The following NEGR1 variants were observed in gnomAD, a reference collection of about 807,000 sequenced individuals.
The protein encoded by NEGR1 is IgLON family member 4.
A neutral mutation model predicts 40.9 loss-of-function variants in NEGR1; 10 were observed. The ratio of observed to expected loss-of-function variants is 0.24; its 90% CI spans 0.15 to 0.42. The LOEUF (loss-of-function observed/expected upper bound fraction) is 0.42, where lower values mean the gene tolerates loss of function less well. Among genes scored for constraint, NEGR1 ranks in the 10% least tolerant of loss-of-function variants. NEGR1 has a pLI of 1.00. For missense variants in NEGR1, 352 were observed against 438.9 expected, an observed-to-expected ratio of 0.80 and a Z score of 1.77; for synonymous variants, 185 against 166.8, an observed-to-expected ratio of 1.11 and a Z score of -0.84.
At chr1:71,789,363 T>G (rs1657030787) in intron 2 of NEGR1, among the ~76,000 whole-genome samples, 1 of 152,204 alleles carries the variant, frequency 6.6e-6, no homozygotes, top group African/African-American at 2.4e-5. Context: ...GTGCTCAGAA[T>G]GTGTTTAATG....
At chr1:71,826,012 T>A (rs1381995023) in intron 2 of NEGR1, among the ~76,000 whole-genome samples, 1 of 151,904 alleles carries the variant, frequency 6.6e-6, no homozygotes, top group Non-Finnish European at 1.5e-5. Context: ...TCAGCTTTCA[T>A]ACGCCACAAA....
At chr1:71,582,698 A>T (rs973884207) in intron 6 of NEGR1, among the ~76,000 whole-genome samples, 9 of 152,200 alleles carry the variant, frequency 5.9e-5, no homozygotes, top group Admixed American at 1.3e-4. Flanking sequence ...ATAATATTTT[A>T]AAAAAGTAAT....
At chr1:71,813,191 C>T (rs915584830) in intron 2 of NEGR1, among the ~76,000 whole-genome samples, 1 of 152,012 alleles carries the variant, frequency 6.6e-6, no homozygotes, top group African/African-American at 2.4e-5. Flanking sequence ...AATAGAGAAT[C>T]CTTTCCCCAT....
chr1:71,463,145 G>C (rs1440604878), intron 6 of NEGR1, among the ~76,000 whole-genome samples: 2 of 152,102 alleles, frequency 1.3e-5, no homozygotes, highest in African/African-American at 4.8e-5. Flanking sequence ...GGTTGGATGC[G>C]AGAGAGCAGT....
chr1:71,570,637 C>A (rs1039118734), intron 6 of NEGR1, among the ~76,000 whole-genome samples: 1 of 131,456 alleles, frequency 7.6e-6, no homozygotes, highest in Non-Finnish European at 1.7e-5. Context: ...TTTGTTTATA[C>A]TGGGTCCTTA....
chr1:71,570,318 A>C (rs969820333), intron 6 of NEGR1, among the ~76,000 whole-genome samples: 3 of 152,188 alleles, frequency 2.0e-5, no homozygotes, highest in African/African-American at 4.8e-5. Flanking sequence ...TAGAACTATA[A>C]ATTTGTCCTC....
At chr1:71,764,011 G>A (rs986800912) in intron 3 of NEGR1, among the ~76,000 whole-genome samples, 11 of 152,062 alleles carry the variant, frequency 7.2e-5, no homozygotes, top group Non-Finnish European at 1.0e-4. Context: ...GATTATTTCC[G>A]GACAAAAGGA....
chr1:71,445,517 G>C (rs180726533), intron 6 of NEGR1, among the ~76,000 whole-genome samples: 2 of 152,174 alleles, frequency 1.3e-5, no homozygotes, highest in East Asian at 3.9e-4. Flanking sequence ...ACTTAGAAAT[G>C]ATGCCTGAAG....
intron 1 of NEGR1, among the ~76,000 whole-genome samples, chr1:72,177,279 A>AG (rs1234170078): frequency 2.0e-5 from 3 of 152,088 alleles, no homozygotes; most frequent in African/African-American, 7.2e-5. Context: ...AGCCAGGCAC[A>AG]GGTGATATGA....
chr1:71,795,406 A>T (rs1342855342), intron 2 of NEGR1, among the ~76,000 whole-genome samples: 2 of 152,084 alleles, frequency 1.3e-5, no homozygotes, highest in African/African-American at 2.4e-5. Context: ...AGTGGTTCTC[A>T]ATATTGAATG....
intron 1 of NEGR1, among the ~76,000 whole-genome samples, chr1:72,160,049 G>A (rs1487671278): frequency 1.3e-5 from 2 of 152,030 alleles, no homozygotes; most frequent in Non-Finnish European, 2.9e-5. Flanking sequence ...TAACTATTGG[G>A]TTTTTAGCAA....
At chr1:71,729,849 T>G (rs1240501045) in intron 3 of NEGR1, among the ~76,000 whole-genome samples, 1 of 115,518 alleles carries the variant, frequency 8.7e-6, no homozygotes, top group Non-Finnish European at 1.7e-5. Context: ...TGGTTTTTGG[T>G]TTTTTTTTTT....
At chr1:71,584,430 T>C (rs912235195) in intron 6 of NEGR1, among the ~76,000 whole-genome samples, 6 of 152,188 alleles carry the variant, frequency 3.9e-5, no homozygotes, top group Non-Finnish European at 7.3e-5. Flanking sequence ...AGTAACTATG[T>C]TTCACTCTGA....
chr1:71,539,910 G>T (rs1231951106), intron 6 of NEGR1, among the ~76,000 whole-genome samples: 6 of 151,740 alleles, frequency 4.0e-5, no homozygotes, highest in Non-Finnish European at 8.8e-5. Flanking sequence ...ATTCAAAGTT[G>T]CTCCAATATA....
intron 1 of NEGR1, among the ~76,000 whole-genome samples, chr1:72,010,186 G>A (rs961730510): frequency 1.8e-4 from 28 of 152,156 alleles, no homozygotes; most frequent in African/African-American, 5.8e-4. Context: ...TTAATGGGGC[G>A]GGGCGGGGGA....
At chr1:72,260,842 T>C (rs555558917) in intron 1 of NEGR1, among the ~76,000 whole-genome samples, 2 of 152,222 alleles carry the variant, frequency 1.3e-5, no homozygotes, top group South Asian at 4.1e-4. Flanking sequence ...TAATTACATT[T>C]CTTTCTGAAA....
intron 6 of NEGR1, among the ~76,000 whole-genome samples, chr1:71,421,670 C>CA (rs528876352): frequency 8.7e-5 from 13 of 150,124 alleles, no homozygotes; most frequent in African/African-American, 1.7e-4. Flanking sequence ...TTCTAATTGC[C>CA]AAAAAAAAAT....
intron 6 of NEGR1, among the ~76,000 whole-genome samples, chr1:71,552,428 C>T (rs1403320863): frequency 6.7e-6 from 1 of 149,518 alleles, no homozygotes; most frequent in Non-Finnish European, 1.5e-5. Context: ...CCATATACTA[C>T]CTTGTGGCCA....
Position 71,972,434 on chromosome 1 carries a change from T to A in NEGR1, c.177-37123A>T, listed in dbSNP as rs139501747. Among the ~76,000 whole-genome samples, 1,522 of 152,314 alleles carry A rather than the reference T, an allele frequency of 1.0e-2. 26 individuals are homozygous for A. Among genetic ancestry groups the A allele is most frequent in the African/African-American group, 0.035 (1,459 of 41,586 alleles). On this transcript the variant is annotated intron_variant, in intron 1 of 6. Transcript: ENST00000357731. ...AAAATAATATAAATCTTTCTACATA[T>A]ATGGGTCCTTTCTTCAAAAATACTT...
Sources: allele counts gnomAD v4.1 joint callset (sites outside exome capture counted in the v4.1 genomes callset), GRCh38; gene constraint gnomAD v4.1.1; transcripts MANE v1.5; gene names NCBI Gene and HGNC (gene_info 2026-07-23, HGNC 2026-07-21).